NTNG1: variants seen among roughly 807,000 people sequenced by gnomAD.
NTNG1 encodes netrin-G1.
In NTNG1, 16 loss-of-function variants were observed where a neutral mutation model predicts 54.0. That is an observed-to-expected ratio of 0.30 (90% CI 0.20 to 0.45). The LOEUF (loss-of-function observed/expected upper bound fraction) is 0.45. NTNG1 is among the 20% of genes least tolerant of loss of function. The pLI, the probability that NTNG1 is intolerant of heterozygous loss-of-function variation, is 1.00. For missense variants in NTNG1, 530 were observed against 678.7 expected, an observed-to-expected ratio of 0.78 and a Z score of 2.43; for synonymous variants, 255 against 263.1, an observed-to-expected ratio of 0.97 and a Z score of 0.30.
At chr1:107,315,123 G>A (rs1380899984) in intron 2 of NTNG1, among the ~76,000 whole-genome samples, 1 of 152,130 alleles carries the variant, frequency 6.6e-6, no homozygotes, top group African/African-American at 2.4e-5. Flanking sequence ...CCAGAAGCCT[G>A]CTTTTTATCA....
intron 5 of NTNG1, chr1:107,407,973 T>G (rs1158808083): frequency 7.5e-6 from 5 of 670,300 alleles, no homozygotes; most frequent in Non-Finnish European, 8.3e-6. Context: ...TAGACTCAGG[T>G]GCAATTCCTT....
At chr1:107,271,364 C>A (rs912497892) in intron 2 of NTNG1, among the ~76,000 whole-genome samples, 1 of 152,126 alleles carries the variant, frequency 6.6e-6, no homozygotes, top group Non-Finnish European at 1.5e-5. Flanking sequence ...TCAAGTCTAA[C>A]CTAAGCAAAT....
At chr1:107,302,407 C>A (rs1438675479) in intron 2 of NTNG1, among the ~76,000 whole-genome samples, 1 of 152,026 alleles carries the variant, frequency 6.6e-6, no homozygotes, top group East Asian at 1.9e-4. Context: ...CATTGATAAC[C>A]AGGTTACCGC....
intron 2 of NTNG1, among the ~76,000 whole-genome samples, chr1:107,179,214 G>T (rs1296258209): frequency 1.3e-5 from 2 of 152,068 alleles, no homozygotes; most frequent in African/African-American, 4.8e-5. Flanking sequence ...AATAATGAGT[G>T]TCCAGCTGGT....
chr1:107,385,637 C>T (rs1316024501), intron 3 of NTNG1, among the ~76,000 whole-genome samples: 1 of 151,602 alleles, frequency 6.6e-6, no homozygotes, highest in Non-Finnish European at 1.5e-5. Flanking sequence ...GTCTTGGCCT[C>T]ATTGTGTCAT....
intron 3 of NTNG1, among the ~76,000 whole-genome samples, chr1:107,326,862 G>GTAAA (rs1348608480): frequency 6.6e-6 from 1 of 152,096 alleles, no homozygotes; most frequent in Non-Finnish European, 1.5e-5. Context: ...AAAAGAAAGT[G>GTAAA]TAAAATAAAC....
At chr1:107,246,549 G>A (rs983730475) in intron 2 of NTNG1, among the ~76,000 whole-genome samples, 3 of 152,028 alleles carry the variant, frequency 2.0e-5, no homozygotes, top group South Asian at 2.1e-4. Context: ...AGTCATAATC[G>A]TGAGTGGCTG....
chr1:107,478,528 G>A (rs1018344175), intron 7 of NTNG1, among the ~76,000 whole-genome samples: 1 of 151,982 alleles, frequency 6.6e-6, no homozygotes, highest in Admixed American at 6.6e-5. Flanking sequence ...CCAAGAAGAA[G>A]AAAAATAGCT....
chr1:107,213,259 T>C (rs1659712621), intron 2 of NTNG1, among the ~76,000 whole-genome samples: 1 of 152,056 alleles, frequency 6.6e-6, no homozygotes, highest in Non-Finnish European at 1.5e-5. Context: ...ATTTTTTGCA[T>C]CACAGCTTTA....
At chr1:107,206,872 C>A (rs1659234022) in intron 2 of NTNG1, among the ~76,000 whole-genome samples, 1 of 152,040 alleles carries the variant, frequency 6.6e-6, no homozygotes, top group African/African-American at 2.4e-5. Flanking sequence ...AACGAGCCCG[C>A]CTTTAATATA....
rs117185491 is a variant in NTNG1 at position 107,441,886 on chromosome 1, G to A, written c.1390+5087G>A. On this transcript the variant is annotated intron_variant, in intron 7 of 7. Coordinates refer to ENST00000370068, the MANE Select transcript of NTNG1 (RefSeq NM_001113226.3). ...AAATATTTAAAAGGATTCGAGAGGA[G>A]TAATGTATGTCAAGCAGGTATAGAT... 3.3e-5 allele frequency among the ~76,000 whole-genome samples: 5 copies of A among 152,134 alleles called. No homozygotes were observed. The East Asian group carries it at 9.7e-4, about 29-fold the overall frequency.
chr1:107,476,332 A>C (rs912426557), intron 7 of NTNG1, among the ~76,000 whole-genome samples: 5 of 151,828 alleles, frequency 3.3e-5, no homozygotes, highest in African/African-American at 9.7e-5. Context: ...GAAGTCTTCT[A>C]CTCTTTTTGA....
chr1:107,420,957 G>A (rs1674534814), intron 5 of NTNG1: 1 of 674,636 alleles, frequency 1.5e-6, no homozygotes. Flanking sequence ...CAAACTCCTA[G>A]AAACAACAGA....
intron 3 of NTNG1, among the ~76,000 whole-genome samples, chr1:107,376,588 C>T (rs1415356329): frequency 1.3e-5 from 2 of 152,212 alleles, no homozygotes; most frequent in Non-Finnish European, 2.9e-5. Context: ...GCCGTGCCAC[C>T]TTATGCCCAG....
intron 2 of NTNG1, among the ~76,000 whole-genome samples, chr1:107,184,261 A>T (rs1429739649): frequency 6.6e-6 from 1 of 152,098 alleles, no homozygotes. Flanking sequence ...TCTTCTTCCC[A>T]CATACCACCA....
intron 5 of NTNG1, among the ~76,000 whole-genome samples, chr1:107,417,565 T>A (rs1388454801): frequency 6.6e-6 from 1 of 152,066 alleles, no homozygotes; most frequent in Non-Finnish European, 1.5e-5. Context: ...ACCTATACAA[T>A]TTTAACTGGC....
chr1:107,288,414 TGAA>T (rs1665349938), intron 2 of NTNG1, among the ~76,000 whole-genome samples: 1 of 152,086 alleles, frequency 6.6e-6, no homozygotes, highest in Non-Finnish European at 1.5e-5. Context: ...GCATTTGCAT[TGAA>T]GTACAAACGG....
intron 7 of NTNG1, among the ~76,000 whole-genome samples, chr1:107,440,161 G>C (rs1251909882): frequency 6.6e-6 from 1 of 152,100 alleles, no homozygotes; most frequent in Non-Finnish European, 1.5e-5. Flanking sequence ...CAGGGAGGCA[G>C]TAGGAGATAT....
At chr1:107,321,417 A>C (rs1432264363) in intron 2 of NTNG1, among the ~76,000 whole-genome samples, 3 of 151,984 alleles carry the variant, frequency 2.0e-5, no homozygotes, top group Admixed American at 6.6e-5. Flanking sequence ...TGGCTGATCC[A>C]CTCAGCCTCA....
Sources: allele counts gnomAD v4.1 joint callset (sites outside exome capture counted in the v4.1 genomes callset), GRCh38; gene constraint gnomAD v4.1.1; transcripts MANE v1.5; gene names NCBI Gene and HGNC (gene_info 2026-07-23, HGNC 2026-07-21).